The following VKORC1L1 variants were observed in gnomAD, a reference collection of about 807,000 sequenced individuals.
VKORC1L1 encodes the protein vitamin K epoxide reductase complex subunit 1L1, also known as vitamin K epoxide reductase complex subunit 1-like protein 1.
In VKORC1L1, 2 loss-of-function variants were observed where a neutral mutation model predicts 18.9. The ratio of observed to expected loss-of-function variants is 0.11; its 90% CI spans 0.04 to 0.33. The LOEUF is 0.33. Among genes scored for constraint, VKORC1L1 ranks in the 10% least tolerant of loss-of-function variants. The pLI, the probability that VKORC1L1 is intolerant of heterozygous loss-of-function variation, is 1.00. For missense variants in VKORC1L1, 123 were observed against 224.1 expected (o/e 0.55, Z 2.88); for synonymous variants, 96 against 100.0 (o/e 0.96, Z 0.24).
intron 1 of VKORC1L1, among the ~76,000 whole-genome samples, chr7:65,889,514 C>T (rs1032554596): frequency 1.3e-5 from 2 of 152,198 alleles, no homozygotes; most frequent in Admixed American, 6.5e-5. Context: ...TTGTTTTTCA[C>T]GTTCTTTTAT....
At chr7:65,906,717 G>A (rs544427093) in intron 1 of VKORC1L1, among the ~76,000 whole-genome samples, 15 of 152,304 alleles carry the variant, frequency 9.8e-5, no homozygotes, top group African/African-American at 3.1e-4. Flanking sequence ...CAGAGTCCGT[G>A]CAACAGAAAT....
intron 1 of VKORC1L1, among the ~76,000 whole-genome samples, chr7:65,925,434 G>A (rs1789746238): frequency 6.6e-6 from 1 of 152,156 alleles, no homozygotes. Flanking sequence ...AATCTGTGTT[G>A]TATACCAATG....
intron 1 of VKORC1L1, among the ~76,000 whole-genome samples, chr7:65,874,124 CT>C (rs1788785113): frequency 6.6e-6 from 1 of 152,152 alleles, no homozygotes; most frequent in Non-Finnish European, 1.5e-5. Context: ...TACTCCAGCG[CT>C]AGTGAGAATT....
chr7:65,901,697 C>T (rs1165601256), intron 1 of VKORC1L1, among the ~76,000 whole-genome samples: 1 of 152,044 alleles, frequency 6.6e-6, no homozygotes, highest in South Asian at 2.1e-4. Context: ...TGTCATCATT[C>T]GTGGGGCAGA....
intron 1 of VKORC1L1, among the ~76,000 whole-genome samples, chr7:65,924,058 G>A (rs1347685541): frequency 1.3e-5 from 2 of 152,186 alleles, no homozygotes; most frequent in Non-Finnish European, 2.9e-5. Context: ...CAGTGCATGA[G>A]GTGGTACCAC....
At chr7:65,866,614 A>T in the VKORC1L1 span, among the ~76,000 whole-genome samples, 7 of 152,198 alleles carry the variant, frequency 4.6e-5, no homozygotes, top group African/African-American at 1.7e-4. Context: ...TTAACTAAAG[A>T]AGATGAAAAA....
At chr7:65,870,261 T>G (rs1299466434), upstream of VKORC1L1, among the ~76,000 whole-genome samples, 1 of 102,284 alleles carries the variant, frequency 9.8e-6, no homozygotes, top group African/African-American at 4.6e-5. Context: ...CTCTACTAAG[T>G]ACAGAAAAAA....
intron 1 of VKORC1L1, among the ~76,000 whole-genome samples, chr7:65,940,209 G>T (rs1790011978): frequency 6.6e-6 from 1 of 151,918 alleles, no homozygotes. Flanking sequence ...ATGTTTTCTA[G>T]AGATGGGGTC....
At chr7:65,882,538 T>C (rs1023892928) in intron 1 of VKORC1L1, among the ~76,000 whole-genome samples, 3 of 152,150 alleles carry the variant, frequency 2.0e-5, no homozygotes, top group Non-Finnish European at 4.4e-5. Context: ...TCTCACTTTG[T>C]GTATAGAAAT....
intron 1 of VKORC1L1, among the ~76,000 whole-genome samples, chr7:65,908,654 G>A (rs1028290334): frequency 1.3e-5 from 2 of 151,616 alleles, no homozygotes; most frequent in African/African-American, 4.8e-5. Flanking sequence ...TGGCTAATAT[G>A]GTGAAACCCC....
At position 65,956,912 on chromosome 7, in the gene VKORC1L1, A is replaced by G. The variant is rs897441117; in HGVS notation, c.*2612A>G. Reference sequence around the variant, plus strand: ...ATCTTTTTTAAGTGATTTGTTCCAAATGAAGCCATTTATTGACTTGATGTT... The same window carrying G: ...ATCTTTTTTAAGTGATTTGTTCCAAGTGAAGCCATTTATTGACTTGATGTT... On this transcript the variant is annotated 3_prime_UTR_variant, in exon 3 of 3. Coordinates refer to ENST00000360768, the MANE Select transcript of VKORC1L1 (RefSeq NM_173517.6). 6.6e-6 allele frequency: 1 copy of G among 152,242 alleles called. No homozygotes were observed. Among genetic ancestry groups the G allele is most frequent in the Non-Finnish European group, 1.5e-5 (1 of 68,044 alleles). 9.4% of individuals were successfully genotyped at this position (152,242 alleles called of 1,614,324 possible).
chr7:65,944,585 A>G (rs1465848480), intron 1 of VKORC1L1, among the ~76,000 whole-genome samples: 4 of 151,924 alleles, frequency 2.6e-5, no homozygotes, highest in African/African-American at 4.8e-5. Flanking sequence ...CTTTGTGTAT[A>G]TGCATTTGAA....
chr7:65,927,133 G>A (rs780900364), intron 1 of VKORC1L1, among the ~76,000 whole-genome samples: 59 of 151,856 alleles, frequency 3.9e-4, no homozygotes, highest in Non-Finnish European at 7.9e-4. Context: ...CTAAAAGTAC[G>A]AAAAATTGCT....
At chr7:65,872,985 G>GCCCCTC (rs1292874160), upstream of VKORC1L1, among the ~76,000 whole-genome samples, 10 of 46,774 alleles carry the variant, frequency 2.1e-4, no homozygotes, top group African/African-American at 7.9e-4. Context: ...CCCCTGCCCC[G>GCCCCTC]CCCATCCCCA....
At position 65,901,086 on chromosome 7, in the gene VKORC1L1, A is replaced by G. The variant is rs541790084; in HGVS notation, c.194+27521A>G. Among the ~76,000 whole-genome samples, 382 of 152,332 alleles carry G rather than the reference A, an allele frequency of 2.5e-3. 3 individuals carry two copies. The highest frequency in any genetic ancestry group is 8.7e-3 in the African/African-American group (360 of 41,568). The stretch of plus-strand genomic sequence containing the variant: ...AGAATCAGAAATGATAATCAAAGAG[A>G]TAGGAGAATTAAGAGTTTAGTGTCA... On this transcript the variant is annotated intron_variant, in intron 1 of 2. Transcript: ENST00000360768.
At chr7:65,901,941 A>T (rs1481460705) in intron 1 of VKORC1L1, among the ~76,000 whole-genome samples, 1 of 152,214 alleles carries the variant, frequency 6.6e-6, no homozygotes, top group African/African-American at 2.4e-5. Context: ...GGCATTGTAA[A>T]GAGGCTAAAT....
At chr7:65,885,858 G>C (rs1789002661) in intron 1 of VKORC1L1, among the ~76,000 whole-genome samples, 2 of 152,138 alleles carry the variant, frequency 1.3e-5, no homozygotes, top group Admixed American at 1.3e-4. Context: ...TGAATTTACT[G>C]TTTCCGGTGA....
intron 1 of VKORC1L1, among the ~76,000 whole-genome samples, chr7:65,891,027 G>A (rs1217164275): frequency 6.6e-6 from 1 of 150,756 alleles, no homozygotes; most frequent in Non-Finnish European, 1.5e-5. Flanking sequence ...CGTTTGGCCT[G>A]TTTTTGAACT....
chr7:65,942,266 T>A (rs1278057402), intron 1 of VKORC1L1, among the ~76,000 whole-genome samples: 2 of 151,532 alleles, frequency 1.3e-5, no homozygotes, highest in African/African-American at 2.4e-5. Context: ...GACGAGCGGA[T>A]CATGAGGTCA....
Sources: gnomAD v4.1 joint callset for allele counts (sites outside exome capture counted in the v4.1 genomes callset) on GRCh38, gnomAD v4.1.1 for gene constraint, MANE v1.5 for transcripts, NCBI Gene and HGNC (gene_info 2026-07-23, HGNC 2026-07-21) for gene names.